The following DLG2 variants were observed in gnomAD, a reference collection of about 807,000 sequenced individuals.
DLG2 encodes the protein disks large homolog 2.
DLG2 carries 45 observed loss-of-function variants against 132.5 expected under a neutral mutation model. The observed-to-expected ratio is 0.34, with a 90% confidence interval of 0.27 to 0.44. DLG2 has a LOEUF of 0.44. DLG2 is among the 20% of genes least tolerant of loss of function. The probability of loss-of-function intolerance (pLI) is 1.00; values close to 1 mark genes in which losing one functional copy is unlikely to be tolerated. For missense variants in DLG2, 1,045 were observed against 1,196.9 expected (o/e 0.87, Z 1.87); for synonymous variants, 424 against 419.6 (o/e 1.01, Z -0.13).
intron 6 of DLG2, among the ~76,000 whole-genome samples, chr11:85,055,192 C>A (rs2063327066): frequency 6.6e-6 from 1 of 152,022 alleles, no homozygotes; most frequent in Admixed American, 6.6e-5. Flanking sequence ...TGCATTATAA[C>A]TTTTCTTTTG....
intron 3 of DLG2, among the ~76,000 whole-genome samples, chr11:85,529,232 G>A (rs1405355287): frequency 6.6e-6 from 1 of 152,094 alleles, no homozygotes; most frequent in Non-Finnish European, 1.5e-5. Context: ...CCTGAGTGAG[G>A]TCCACGTAAA....
intron 3 of DLG2, among the ~76,000 whole-genome samples, chr11:85,333,122 C>A (rs1166587468): frequency 2.6e-5 from 4 of 152,142 alleles, no homozygotes; most frequent in Non-Finnish European, 5.9e-5. Context: ...TCTCTGAATT[C>A]TTTCAGCAAG....
intron 7 of DLG2, among the ~76,000 whole-genome samples, chr11:84,361,973 G>GA (rs1397197585): frequency 6.6e-6 from 1 of 151,822 alleles, no homozygotes; most frequent in East Asian, 1.9e-4. Context: ...AGCAATCAGG[G>GA]AAAATGGGAG....
intron 7 of DLG2, among the ~76,000 whole-genome samples, chr11:84,281,965 T>A (rs2097858691): frequency 6.6e-6 from 1 of 152,164 alleles, no homozygotes; most frequent in African/African-American, 2.4e-5. Context: ...AGTATTTTTT[T>A]CTTAAGTTAA....
At chr11:83,641,494 A>G (rs2066487257) in intron 18 of DLG2, among the ~76,000 whole-genome samples, 1 of 152,176 alleles carries the variant, frequency 6.6e-6, no homozygotes, top group African/African-American at 2.4e-5. Context: ...AGAGCCAGAT[A>G]TGCACAGAAG....
At chr11:84,233,611 C>CA (rs1345922514) in intron 8 of DLG2, among the ~76,000 whole-genome samples, 2 of 152,134 alleles carry the variant, frequency 1.3e-5, no homozygotes, top group East Asian at 1.9e-4. Context: ...GTGGGGCCTA[C>CA]AAAAAATTCA....
chr11:85,076,522 C>T (rs948827546), intron 6 of DLG2, among the ~76,000 whole-genome samples: 1 of 151,960 alleles, frequency 6.6e-6, no homozygotes, highest in Non-Finnish European at 1.5e-5. Flanking sequence ...AGAGTGATGC[C>T]ATGTGTCACA....
rs184759613 is a variant in DLG2, at chr11:85,419,598, G to A, written c.41-134233C>T. Among the ~76,000 whole-genome samples the A allele has an allele frequency of 2.9e-4, 44 of 152,190 alleles. No homozygotes were observed. In the East Asian group the frequency reaches 4.6e-3, roughly 16 times the overall value. On this transcript the variant is annotated intron_variant, in intron 3 of 27. Coordinates refer to ENST00000376104, the MANE Select transcript of DLG2 (RefSeq NM_001142699.3). ...AATGTAGGTTTGGTCTTTTCACATA[G>A]TCCCATATTTCTTGAAGGCTTTATT...
At chr11:85,440,361 T>C (rs1597366444) in intron 3 of DLG2, among the ~76,000 whole-genome samples, 1 of 152,232 alleles carries the variant, frequency 6.6e-6, no homozygotes, top group Non-Finnish European at 1.5e-5. Flanking sequence ...GTTTGGTACA[T>C]AGCAAACATG....
At chr11:85,397,189 G>C (rs891559819) in intron 3 of DLG2, among the ~76,000 whole-genome samples, 1 of 152,166 alleles carries the variant, frequency 6.6e-6, no homozygotes, top group African/African-American at 2.4e-5. Context: ...AACTTCTTAA[G>C]AGAATGAGAA....
chr11:85,363,880 G>T (rs1319589591), intron 3 of DLG2, among the ~76,000 whole-genome samples: 1 of 152,172 alleles, frequency 6.6e-6, no homozygotes, highest in Non-Finnish European at 1.5e-5. Flanking sequence ...ATTATAGTTT[G>T]TATATTACAA....
At position 85,149,171 on chromosome 11, in the gene DLG2, G is replaced by A. The variant is rs150187878; in HGVS notation, c.282+5385C>T. On this transcript the variant is annotated intron_variant, in intron 5 of 27. Transcript: ENST00000376104. ...CTGTAGGCTTGTAGTATAGTTTGAAGTCAGGTAGCATGATGCCTCCAGCTT... is the reference window on the plus strand; with the variant it reads ...CTGTAGGCTTGTAGTATAGTTTGAAATCAGGTAGCATGATGCCTCCAGCTT... Among the ~76,000 whole-genome samples, 241 of 152,272 alleles carry A rather than the reference G, an allele frequency of 1.6e-3. 1 individual carries two copies. The highest frequency in any genetic ancestry group is 5.3e-3 in the African/African-American group (222 of 41,558).
chr11:84,429,672 C>T (rs1484598988), intron 7 of DLG2, among the ~76,000 whole-genome samples: 1 of 152,160 alleles, frequency 6.6e-6, no homozygotes, highest in Non-Finnish European at 1.5e-5. Context: ...CTCTAATAGC[C>T]TCATTCCTGC....
At chr11:83,687,499 A>T (rs760627549) in intron 18 of DLG2, among the ~76,000 whole-genome samples, 1 of 152,154 alleles carries the variant, frequency 6.6e-6, no homozygotes, top group Non-Finnish European at 1.5e-5. Flanking sequence ...TTTTTCATTG[A>T]GCTAAAATGA....
At chr11:83,672,278 G>A (rs1397894015) in intron 18 of DLG2, among the ~76,000 whole-genome samples, 1 of 151,898 alleles carries the variant, frequency 6.6e-6, no homozygotes, top group East Asian at 1.9e-4. Context: ...TCTGCCTCCC[G>A]GGTTCAAGTG....
intron 21 of DLG2, among the ~76,000 whole-genome samples, chr11:83,519,096 T>C (rs1482022298): frequency 6.6e-6 from 1 of 152,178 alleles, no homozygotes; most frequent in East Asian, 1.9e-4. Flanking sequence ...TAATTATTCA[T>C]TTAATGACTC....
At chr11:83,651,938 G>A (rs1042383344) in intron 18 of DLG2, 1 of 451,376 alleles carries the variant, frequency 2.2e-6, no homozygotes, top group Non-Finnish European at 4.6e-6. Flanking sequence ...CACCTTTGCA[G>A]AAAGTAAGAA....
chr11:83,482,307 T>C (rs1025642118), intron 22 of DLG2, among the ~76,000 whole-genome samples: 1 of 152,062 alleles, frequency 6.6e-6, no homozygotes. Context: ...CTTCTAAAAA[T>C]ATTGCCCATA....
At chr11:84,862,297 GATC>G (rs1175468296) in intron 6 of DLG2, among the ~76,000 whole-genome samples, 2 of 152,046 alleles carry the variant, frequency 1.3e-5, no homozygotes, top group African/African-American at 4.8e-5. Flanking sequence ...TTAGAATGGT[GATC>G]ATTATAAAGT....
Sources: gnomAD v4.1 joint callset for allele counts (sites outside exome capture counted in the v4.1 genomes callset) on GRCh38, gnomAD v4.1.1 for gene constraint, MANE v1.5 for transcripts, NCBI Gene and HGNC (gene_info 2026-07-23, HGNC 2026-07-21) for gene names.